ZNF112: variants seen among roughly 807,000 people sequenced by gnomAD.
The protein encoded by ZNF112 is zinc finger protein 112 (Y14).
A neutral mutation model predicts 77.7 loss-of-function variants in ZNF112; 37 were observed. The ratio of observed to expected loss-of-function variants is 0.48; its 90% CI spans 0.37 to 0.63. The LOEUF (loss-of-function observed/expected upper bound fraction) is 0.63. ZNF112 is among the 20% of genes least tolerant of loss of function. The pLI is 0.00. For synonymous variants in ZNF112, 333 were observed against 363.6 expected (o/e 0.92, Z 0.96); for missense variants, 950 against 1,077.4 (o/e 0.88, Z 1.66).
At chr19:44,358,156 G>GAAAAAAAAAAAAAAAAAA (rs59023124), upstream of ZNF112, among the ~76,000 whole-genome samples, 3 of 130,390 alleles carry the variant, frequency 2.3e-5, no homozygotes, top group African/African-American at 5.6e-5. Flanking sequence ...CGTCTCAAAA[G>GAAAAAAAAAAAAAAAAAA]AAAAAAAAAA....
chr19:44,362,141 G>A (rs930618496), intron 1 of ZNF112, among the ~76,000 whole-genome samples: 7 of 152,042 alleles, frequency 4.6e-5, no homozygotes, highest in African/African-American at 1.4e-4. Flanking sequence ...GAAGCAGATT[G>A]TAATAAATAA....
At chr19:44,351,623 A>G (rs1970693446) in intron 1 of ZNF112, among the ~76,000 whole-genome samples, 1 of 152,072 alleles carries the variant, frequency 6.6e-6, no homozygotes, top group Non-Finnish European at 1.5e-5. Flanking sequence ...CTCTCATTAT[A>G]TAAATACCTA....
chr19:44,365,392 C>A (rs994383734), intron 1 of ZNF112, among the ~76,000 whole-genome samples: 10 of 151,884 alleles, frequency 6.6e-5, no homozygotes, highest in African/African-American at 2.4e-4. Context: ...CCTGGGAGTT[C>A]GAGGCTGCAG....
chr19:44,336,234 C>T (rs542811106), intron 3 of ZNF112, among the ~76,000 whole-genome samples: 1 of 152,274 alleles, frequency 6.6e-6, no homozygotes, highest in South Asian at 2.1e-4. Flanking sequence ...CCTTCAATTA[C>T]ACAGATTTAT....
At chr19:44,337,732 G>A (rs28366812) in intron 2 of ZNF112, among the ~76,000 whole-genome samples, 3,075 of 150,870 alleles carry the variant, frequency 0.02, 107 homozygotes, top group African/African-American at 0.071. Context: ...GGTGAGAAAT[G>A]GCATTTCAGT....
intron 3 of ZNF112, among the ~76,000 whole-genome samples, chr19:44,334,875 G>A (rs1970337566): frequency 6.6e-6 from 1 of 152,246 alleles, no homozygotes; most frequent in South Asian, 2.1e-4. Context: ...AGCCCTCATG[G>A]AGAACCTCTA....
In ZNF112 at chr19:44,329,437, A is replaced by C. The variant is rs1970221692; in HGVS notation, c.720T>G (p.Leu240=). 2 of 1,614,070 alleles carry C rather than the reference A, an allele frequency of 1.2e-6. No homozygotes were observed. Among genetic ancestry groups the C allele is most frequent in the Non-Finnish European group, 1.7e-6 (2 of 1,179,980 alleles). The part of the protein sequence containing the change: ...CGEDIMKVSL[L]NQESIQTEEK... ...CCTCTGTTTGAATTGACTCCTGATT[A>C]AGTAATGATACCTTCATGATATCTT... Residue 240 remains leucine (L), a synonymous_variant, in exon 4 of 4, where the codon CTT becomes CTG. Transcript: ENST00000354340.
chr19:44,358,390 A>G (rs1005525983), upstream of ZNF112, among the ~76,000 whole-genome samples: 1 of 152,218 alleles, frequency 6.6e-6, no homozygotes, highest in Admixed American at 6.5e-5. Context: ...TGGAACAAAC[A>G]TCTGGCAGAG....
chr19:44,340,575 CAGA>C, intron 1 of ZNF112, 33 bp from the exon 2 acceptor site: 5 of 1,613,342 alleles, frequency 3.1e-6, no homozygotes, highest in East Asian at 2.2e-5. Flanking sequence ...ACTAAGTTTA[CAGA>C]AGAAGGGCAG....
In ZNF112 at chr19:44,328,922, A is replaced by T. The variant is rs767567010; in HGVS notation, c.1235T>A (p.Ile412Lys). The part of the protein sequence containing the change: ...IHTEEKLYTD[I>K]EYGKSFICSS... ...ACAAATGAAACTCTTTCCATACTCTATATCTGTGTATAGTTTCTCTTCAGT... is the reference window on the plus strand; with the variant it reads ...ACAAATGAAACTCTTTCCATACTCTTTATCTGTGTATAGTTTCTCTTCAGT... The change falls in exon 4 of 4, where the codon ATA (isoleucine) becomes AAA (lysine). Residue 412 changes from isoleucine (I) to lysine (K), a missense_variant. Ile to Lys is a moderately radical substitution (Grantham distance 102, BLOSUM62 -3). Around this residue, in one of 3 missense-constraint regions of ZNF112, gnomAD observed 560 missense variants for 557.3 expected, o/e 1.00. Coordinates refer to ENST00000354340, the MANE Select transcript of ZNF112 (RefSeq NM_013380.4). 11 of 1,613,950 alleles carry T rather than the reference A, an allele frequency of 6.8e-6. No homozygotes were observed. Among genetic ancestry groups the T allele is most frequent in the Non-Finnish European group, 9.3e-6 (11 of 1,179,982 alleles).
At chr19:44,360,858 G>A (rs2123227559), upstream of ZNF112, among the ~76,000 whole-genome samples, 1 of 152,308 alleles carries the variant, frequency 6.6e-6, no homozygotes, top group South Asian at 2.1e-4. Flanking sequence ...AATCTACTCA[G>A]TGTATAAACC....
intron 1 of ZNF112, among the ~76,000 whole-genome samples, chr19:44,343,967 A>C (rs1245161947): frequency 6.6e-6 from 1 of 152,212 alleles, no homozygotes; most frequent in African/African-American, 2.4e-5. Flanking sequence ...CTGGCTTCTT[A>C]CTTTTGTTGC....
chr19:44,339,096 G>C (rs1270117917), intron 2 of ZNF112, among the ~76,000 whole-genome samples: 1 of 152,064 alleles, frequency 6.6e-6, no homozygotes, highest in Non-Finnish European at 1.5e-5. Flanking sequence ...TGGCTTTATG[G>C]ATAAAATCAC....
intron 1 of ZNF112, among the ~76,000 whole-genome samples, chr19:44,352,434 A>G (rs1970710034): frequency 6.6e-6 from 1 of 152,082 alleles, no homozygotes; most frequent in South Asian, 2.1e-4. Context: ...TTCCCCTATG[A>G]TCAGGAACAA....
upstream of ZNF112, among the ~76,000 whole-genome samples, chr19:44,358,275 T>A (rs1189496697): frequency 6.7e-6 from 1 of 149,224 alleles, no homozygotes; most frequent in African/African-American, 2.6e-5. Flanking sequence ...ATCAATCTGA[T>A]AATAGGGGAT....
intron 2 of ZNF112, among the ~76,000 whole-genome samples, chr19:44,338,066 A>G (rs531583253): frequency 1.3e-5 from 2 of 152,088 alleles, no homozygotes; most frequent in East Asian, 3.9e-4. Flanking sequence ...AAAGTAAGAA[A>G]GTGCTCAAAA....
chr19:44,342,538 C>T lies in ZNF112; in HGVS notation c.-3-1996G>A, dbSNP rs147614335. ...TTGGAAATAATTTAAAGAAAAGGGCCGGGCACGGTGGCTCACGCCTGTAAT... is the reference window on the plus strand; with the variant it reads ...TTGGAAATAATTTAAAGAAAAGGGCTGGGCACGGTGGCTCACGCCTGTAAT... On this transcript the variant is annotated intron_variant, in intron 1 of 3. Coordinates refer to ENST00000354340, the MANE Select transcript of ZNF112 (RefSeq NM_013380.4). Among the ~76,000 whole-genome samples, 407 of 152,168 alleles carry T rather than the reference C, an allele frequency of 2.7e-3. 1 individual carries two copies. The highest frequency in any genetic ancestry group is 8.2e-3 in the African/African-American group (339 of 41,524).
intron 1 of ZNF112, among the ~76,000 whole-genome samples, chr19:44,365,309 G>A (rs1970892817): frequency 6.6e-6 from 1 of 151,956 alleles, no homozygotes; most frequent in South Asian, 2.1e-4. Flanking sequence ...CAAAAAATTA[G>A]CTGCTCACTG....
chr19:44,338,855 G>C (rs553730026), intron 2 of ZNF112, among the ~76,000 whole-genome samples: 1 of 152,118 alleles, frequency 6.6e-6, no homozygotes, highest in South Asian at 2.1e-4. Flanking sequence ...CTGAGGCCAG[G>C]AGTTTGAGAC....
Sources: allele counts gnomAD v4.1 joint callset (sites outside exome capture counted in the v4.1 genomes callset), GRCh38; gene constraint gnomAD v4.1.1; regional missense constraint gnomAD v4.1.1; transcripts MANE v1.5; gene names NCBI Gene and HGNC (gene_info 2026-07-23, HGNC 2026-07-21).